PFKFB2: variants seen among roughly 807,000 people sequenced by gnomAD.
PFKFB2 encodes 6-phosphofructo-2-kinase/fructose-2,6-biphosphatase 2.
Under a neutral mutation model 68.0 loss-of-function variants are expected in PFKFB2, and 53 were observed. That is an observed-to-expected ratio of 0.78 (90% CI 0.63 to 0.98). The LOEUF is 0.98. Ranked by LOEUF, PFKFB2 falls within the 50% of genes least tolerant of loss-of-function variation. The pLI is 0.00. For missense variants in PFKFB2, 451 were observed against 642.0 expected, an observed-to-expected ratio of 0.70 and a Z score of 3.22; for synonymous variants, 222 against 227.6, an observed-to-expected ratio of 0.98 and a Z score of 0.22.
chr1:207,071,116 T>C (rs1683453097), intron 12 of PFKFB2, 72 bp from the exon 13 acceptor site: 1 of 1,198,888 alleles, frequency 8.3e-7, no homozygotes, highest in African/African-American at 1.5e-5. Flanking sequence ...CTCTGTAGAT[T>C]CTTTCTTCCA....
upstream of PFKFB2, chr1:207,049,445 C>G: frequency 6.2e-7 from 1 of 1,614,206 alleles, no homozygotes; most frequent in Non-Finnish European, 8.5e-7. Context: ...TCACAGTACT[C>G]TTGATTTGTT....
At chr1:207,057,556 TC>T (rs1226725072) in intron 2 of PFKFB2, among the ~76,000 whole-genome samples, 1 of 151,462 alleles carries the variant, frequency 6.6e-6, no homozygotes, top group Non-Finnish European at 1.5e-5. Context: ...TTTGAGTAGT[TC>T]TGGAACAGAC....
chr1:207,053,226 G>C (rs888709543), upstream of PFKFB2: 3 of 152,394 alleles, frequency 2.0e-5, no homozygotes, highest in Non-Finnish European at 4.4e-5. Context: ...CTACGCGCGA[G>C]GGGGCGGGGC....
chr1:207,062,594 C>G (rs770566811), intron 3 of PFKFB2, 26 bp from the exon 4 acceptor site: 1 of 1,607,532 alleles, frequency 6.2e-7, no homozygotes, highest in East Asian at 2.2e-5. Context: ...TATTTTGCTG[C>G]TGAAGGATTT....
chr1:207,047,221 A>G (rs553527509), intron 2 of PFKFB2: 1 of 152,694 alleles, frequency 6.5e-6, no homozygotes, highest in Non-Finnish European at 1.5e-5. Flanking sequence ...TCAGTAAAAT[A>G]GAAAACTAAA....
rs557381987 is a variant in PFKFB2 at position 207,068,732 on chromosome 1, A to C, written c.987+423A>C. Among the ~76,000 whole-genome samples the C allele has an allele frequency of 3.0e-4, 45 of 151,330 alleles. No individual in the cohort carries two copies. The South Asian group carries it at 8.7e-3, about 29-fold the overall frequency. On this transcript the variant is annotated intron_variant, in intron 10 of 14. Transcript: ENST00000367080. ...CTTGGCTTTCTCTCTTCTTGAGTAC[A>C]AAAGTAGACATTTCTTTCTTTTTTT...
At chr1:207,038,513 C>G (rs987985656) in intron 1 of PFKFB2, among the ~76,000 whole-genome samples, 2 of 152,202 alleles carry the variant, frequency 1.3e-5, no homozygotes, top group African/African-American at 4.8e-5. Context: ...TCTGCAACAT[C>G]ATGTTTGCAA....
At chr1:207,057,573 C>T (rs1386099060) in intron 2 of PFKFB2, among the ~76,000 whole-genome samples, 2 of 141,264 alleles carry the variant, frequency 1.4e-5, no homozygotes, top group Non-Finnish European at 3.1e-5. Context: ...CAGACAAATT[C>T]TTCCATGTAC....
upstream of PFKFB2, chr1:207,052,404 G>A: frequency 1.8e-6 from 1 of 568,892 alleles, no homozygotes; most frequent in Non-Finnish European, 3.1e-6. Context: ...GCTCACACCT[G>A]TAATCCCAGC....
intron 10 of PFKFB2, among the ~76,000 whole-genome samples, chr1:207,069,035 G>A (rs113286154): frequency 0.013 from 1,953 of 152,250 alleles, 37 homozygotes; most frequent in African/African-American, 0.043. Context: ...ATGAGCCACC[G>A]TGCCCGGCCG....
At chr1:207,055,083 G>C in intron 2 of PFKFB2, 1 of 352,926 alleles carries the variant, frequency 2.8e-6, no homozygotes, top group South Asian at 2.9e-5. Flanking sequence ...CTTGCTGATG[G>C]AAGTTAGAAC....
At position 207,076,378 on chromosome 1, in the gene PFKFB2, T is replaced by C; in HGVS notation, c.*4007T>C. The stretch of plus-strand genomic sequence containing the variant: ...GAATTGTATCTGGGTTATGTAATCT[T>C]ATGCACATTCCATTGTCTTTGCCAA... On this transcript the variant is annotated 3_prime_UTR_variant, in exon 15 of 15. Coordinates refer to ENST00000367080, the MANE Select transcript of PFKFB2 (RefSeq NM_006212.2). 2.0e-6 allele frequency: 2 copies of C among 985,340 alleles called. No homozygotes were observed. The highest frequency in any genetic ancestry group is 9.4e-5 in the South Asian group (2 of 21,286). 61.0% of individuals were successfully genotyped at this position (985,340 alleles called of 1,614,324 possible).
At position 207,070,711 on chromosome 1, in the gene PFKFB2, C is replaced by G. The variant is rs1683440303; in HGVS notation, c.1222+302C>G. 3.0e-6 allele frequency: 1 copy of G among 328,878 alleles called. No individual in the cohort carries two copies. The highest frequency in any genetic ancestry group is 5.7e-6 in the Non-Finnish European group (1 of 174,406). The allele number at this position is 328,878 out of a possible 1,614,324, so 20.4% of individuals were successfully genotyped here. On this transcript the variant is annotated intron_variant, in intron 12 of 14. Coordinates refer to ENST00000367080, the MANE Select transcript of PFKFB2 (RefSeq NM_006212.2). This position sits in a 1 kb window ranked among gnomAD's most constrained non-coding sequence, Gnocchi z 4.2. ...AGGACAGTGGTTGAATATTCCCAGC[C>G]TGCCACGCTGCCTACTAGGAGGGTG...
Position 207,073,707 on chromosome 1 carries a change from C to T in PFKFB2, c.*1336C>T, listed in dbSNP as rs1309465809. The T allele has an allele frequency of 2.0e-6, 2 of 985,184 alleles. No homozygotes were observed. The highest frequency in any genetic ancestry group is 1.7e-5 in the African/African-American group (1 of 57,232). The allele number at this position is 985,184 out of a possible 1,614,324, so 61.0% of individuals were successfully genotyped here. A position where few individuals can be genotyped will look rare whatever the true frequency, so the allele number is the denominator to read the frequency against. The stretch of plus-strand genomic sequence containing the variant: ...ACTGTTTGTATTTCTCTATTCACTT[C>T]TGTCATTTCATTTTCTTTGTAGGGT... On this transcript the variant is annotated 3_prime_UTR_variant, in exon 15 of 15. Transcript: ENST00000367080.
intron 10 of PFKFB2, among the ~76,000 whole-genome samples, chr1:207,068,998 G>T (rs923256338): frequency 1.3e-5 from 2 of 152,138 alleles, no homozygotes; most frequent in Non-Finnish European, 2.9e-5. Context: ...ACCCGCCTTG[G>T]CCACCCAAAG....
In PFKFB2 at chr1:207,074,250, CAT is replaced by C; in HGVS notation, c.*1881_*1882del. On this transcript the variant is annotated 3_prime_UTR_variant, in exon 15 of 15. Transcript: ENST00000367080. ...GTCAGCCTAGGAATTCTGAATTCCT[CAT>C]AGTCCTGAAAGGACAGTTCTTTGGG... 3.0e-6 allele frequency: 3 copies of C among 984,806 alleles called. No homozygotes were observed. The highest frequency in any genetic ancestry group is 3.6e-6 in the Non-Finnish European group (3 of 829,352). The allele number at this position is 984,806 out of a possible 1,614,324, so 61.0% of individuals were successfully genotyped here. A position where few individuals can be genotyped will look rare whatever the true frequency, so the allele number is the denominator to read the frequency against.
At chr1:207,039,881 C>G (rs1682445286) in intron 1 of PFKFB2, among the ~76,000 whole-genome samples, 1 of 152,192 alleles carries the variant, frequency 6.6e-6, no homozygotes, top group Admixed American at 6.5e-5. Flanking sequence ...GCCACTTTTC[C>G]TCTGGAGACA....
intron 2 of PFKFB2, chr1:207,046,270 G>A (rs1682599543): frequency 6.6e-6 from 1 of 151,940 alleles, no homozygotes; most frequent in African/African-American, 2.4e-5. Flanking sequence ...CAAAACTTAA[G>A]ACATTTAATC....
rs533950472 is a variant in PFKFB2, at chr1:207,075,285, A to G, written c.*2914A>G. On this transcript the variant is annotated 3_prime_UTR_variant, in exon 15 of 15. Transcript: ENST00000367080. ...TTCGCTTTCTCCAGAAGAGGAGCTG[A>G]GGTGGTCTTATCCTCAGATAGGACA... is the stretch of plus-strand genomic sequence containing the variant. The G allele has an allele frequency of 5.1e-6, 5 of 985,416 alleles. No individual in the cohort carries two copies. The African/African-American group carries it at 5.2e-5, about 10-fold the overall frequency. The allele number at this position is 985,416 out of a possible 1,614,324, so 61.0% of individuals were successfully genotyped here.
Sources: gnomAD v4.1 joint callset for allele counts (sites outside exome capture counted in the v4.1 genomes callset) on GRCh38, gnomAD v4.1.1 for gene constraint, Gnocchi (gnomAD v3.1) non-coding constraint, MANE v1.5 for transcripts, NCBI Gene and HGNC (gene_info 2026-07-23, HGNC 2026-07-21) for gene names.